The following BMAL1 variants were observed in gnomAD, a reference collection of about 807,000 sequenced individuals.
BMAL1 encodes the protein basic helix-loop-helix ARNT-like protein 1.
At chr11:13,384,227 GTC>G in the BMAL1 span, among the ~76,000 whole-genome samples, 3 of 152,104 alleles carry the variant, frequency 2.0e-5, no homozygotes, top group Non-Finnish European at 4.4e-5. Context: ...TAGAAAACTT[GTC>G]TCTGCTACTT....
chr11:13,331,906 T>C, the BMAL1 span, among the ~76,000 whole-genome samples: 1 of 152,160 alleles, frequency 6.6e-6, no homozygotes, highest in Non-Finnish European at 1.5e-5. Flanking sequence ...AGAAGTCACC[T>C]GTTGGGATAC....
At chr11:13,315,238 C>T in the BMAL1 span, among the ~76,000 whole-genome samples, 2 of 152,170 alleles carry the variant, frequency 1.3e-5, no homozygotes, top group African/African-American at 2.4e-5. Flanking sequence ...ATGCTGTTCC[C>T]TCAGCCTGGA....
At chr11:13,312,310 T>A in the BMAL1 span, among the ~76,000 whole-genome samples, 212 of 152,324 alleles carry the variant, frequency 1.4e-3, 1 homozygote, top group African/African-American at 5.0e-3. Context: ...GTCTGTATAA[T>A]CCCTGGCTTA....
the BMAL1 span, chr11:13,372,204 T>G: frequency 6.2e-7 from 1 of 1,614,118 alleles, no homozygotes; most frequent in Non-Finnish European, 8.5e-7. Context: ...CACAGGCTAT[T>G]TGAAAAGCTG....
chr11:13,379,625 T>A, the BMAL1 span: 1 of 152,192 alleles, frequency 6.6e-6, no homozygotes, highest in Non-Finnish European at 1.5e-5. Context: ...ATTTTCTTTA[T>A]GATAACAGGA....
chr11:13,366,080 A>G, the BMAL1 span, among the ~76,000 whole-genome samples: 1 of 152,308 alleles, frequency 6.6e-6, no homozygotes, highest in East Asian at 1.9e-4. Context: ...CTTTTCACCT[A>G]TTATGTCCCC....
At chr11:13,350,659 G>GA in the BMAL1 span, among the ~76,000 whole-genome samples, 42 of 152,126 alleles carry the variant, frequency 2.8e-4, no homozygotes, top group Admixed American at 9.2e-4. Flanking sequence ...AATGGTGTTA[G>GA]AAAAAATCTC....
the BMAL1 span, among the ~76,000 whole-genome samples, chr11:13,309,239 G>A: frequency 1.3e-5 from 2 of 152,058 alleles, no homozygotes; most frequent in African/African-American, 4.8e-5. Flanking sequence ...GGAGGAAGAC[G>A]TCCAGCTCAG....
chr11:13,386,803 C>G, the BMAL1 span: 2 of 1,592,962 alleles, frequency 1.3e-6, no homozygotes, highest in South Asian at 2.3e-5. Flanking sequence ...AAGTGCATTA[C>G]TGGTGGAGTT....
At chr11:13,369,999 T>G in the BMAL1 span, among the ~76,000 whole-genome samples, 5 of 152,182 alleles carry the variant, frequency 3.3e-5, no homozygotes, top group African/African-American at 9.7e-5. Flanking sequence ...GTTTAAATTG[T>G]GTTTCTTTTA....
At chr11:13,374,513 T>TAC in the BMAL1 span, among the ~76,000 whole-genome samples, 1 of 152,212 alleles carries the variant, frequency 6.6e-6, no homozygotes, top group Non-Finnish European at 1.5e-5. Context: ...AAGCCTGCAC[T>TAC]ACCTCCTGTG....
the BMAL1 span, among the ~76,000 whole-genome samples, chr11:13,305,841 T>C: frequency 6.1e-4 from 93 of 152,316 alleles, 1 homozygote; most frequent in East Asian, 0.017. Flanking sequence ...GTGGTTATTA[T>C]CTACAAGTTT....
At chr11:13,336,799 G>A in the BMAL1 span, among the ~76,000 whole-genome samples, 1 of 152,208 alleles carries the variant, frequency 6.6e-6, no homozygotes, top group Non-Finnish European at 1.5e-5. Flanking sequence ...ATGCTGCCTT[G>A]GTGGTCATGT....
the BMAL1 span, chr11:13,380,173 C>G: frequency 6.6e-6 from 1 of 152,240 alleles, no homozygotes; most frequent in African/African-American, 2.4e-5. Flanking sequence ...GGACACTCAG[C>G]AATTTTTCCG....
the BMAL1 span, chr11:13,354,456 C>T: frequency 1.2e-6 from 2 of 1,613,012 alleles, no homozygotes; most frequent in Non-Finnish European, 1.7e-6. Flanking sequence ...CCAGTAAGGC[C>T]TTTGGGGCAT....
At chr11:13,342,150 G>A in the BMAL1 span, among the ~76,000 whole-genome samples, 4 of 152,194 alleles carry the variant, frequency 2.6e-5, no homozygotes, top group Non-Finnish European at 5.9e-5. Context: ...GAGCATCTCT[G>A]GGGTCTAGGC....
At chr11:13,366,652 T>C in the BMAL1 span, 1 of 1,602,686 alleles carries the variant, frequency 6.2e-7, no homozygotes, top group Admixed American at 1.7e-5. Context: ...TGTTTAACAT[T>C]TCATCTCCCC....
the BMAL1 span, among the ~76,000 whole-genome samples, chr11:13,286,201 C>T: frequency 6.6e-6 from 1 of 152,228 alleles, no homozygotes; most frequent in Admixed American, 6.5e-5. Flanking sequence ...GTAGACCCTC[C>T]TCTCAGTAGC....
the BMAL1 span, among the ~76,000 whole-genome samples, chr11:13,312,690 C>T: frequency 6.6e-6 from 1 of 152,226 alleles, no homozygotes; most frequent in African/African-American, 2.4e-5. Context: ...GCTTTGAGCT[C>T]CAAAGGCAGG....
Sources: gnomAD v4.1 joint callset for allele counts (sites outside exome capture counted in the v4.1 genomes callset) on GRCh38, gnomAD v4.1.1 for gene constraint, MANE v1.5 for transcripts, NCBI Gene and HGNC (gene_info 2026-07-23, HGNC 2026-07-21) for gene names.